MCC: variants seen among roughly 807,000 people sequenced by gnomAD.
MCC encodes the protein colorectal mutant cancer protein.
Under a neutral mutation model 116.2 loss-of-function variants are expected in MCC, and 90 were observed. That is an observed-to-expected ratio of 0.77 (90% CI 0.65 to 0.92). The LOEUF is 0.92. Among genes scored for constraint, MCC ranks in the 40% least tolerant of loss-of-function variants. The pLI is 0.00. For synonymous variants in MCC, 578 were observed against 510.5 expected, an observed-to-expected ratio of 1.13 and a Z score of -1.78; for missense variants, 1,516 against 1,312.2, an observed-to-expected ratio of 1.16 and a Z score of -2.40.
chr5:113,313,908 C>T (rs1413534244), intron 3 of MCC, among the ~76,000 whole-genome samples: 1 of 151,980 alleles, frequency 6.6e-6, no homozygotes, highest in Non-Finnish European at 1.5e-5. Context: ...GCAGCCTTGG[C>T]CTCCTGGGCT....
intron 11 of MCC, among the ~76,000 whole-genome samples, chr5:113,074,353 G>C (rs1203096285): frequency 6.6e-6 from 1 of 152,184 alleles, no homozygotes; most frequent in Non-Finnish European, 1.5e-5. Context: ...AAACAGAAAG[G>C]ACATCCACAC....
intron 1 of MCC, among the ~76,000 whole-genome samples, chr5:113,439,061 A>C (rs575314965): frequency 6.6e-6 from 1 of 152,298 alleles, no homozygotes; most frequent in Admixed American, 6.5e-5. Flanking sequence ...CCAGGAACAT[A>C]ACAATGCAGG....
At chr5:113,094,709 C>G (rs935174079) in intron 8 of MCC, among the ~76,000 whole-genome samples, 1 of 152,150 alleles carries the variant, frequency 6.6e-6, no homozygotes, top group East Asian at 1.9e-4. Context: ...CATGAGCCAC[C>G]GCTCCCGGCC....
At chr5:113,274,473 C>T (rs1459098523) in intron 3 of MCC, among the ~76,000 whole-genome samples, 1 of 152,170 alleles carries the variant, frequency 6.6e-6, no homozygotes, top group African/African-American at 2.4e-5. Context: ...GATTCTCCTG[C>T]CACAGCCTCC....
intron 17 of MCC, among the ~76,000 whole-genome samples, chr5:113,038,059 G>A (rs1356382288): frequency 6.6e-6 from 1 of 152,172 alleles, no homozygotes; most frequent in Non-Finnish European, 1.5e-5. Flanking sequence ...CTGAGGGTCA[G>A]TGCGATGGAA....
At chr5:113,289,328 C>T (rs1014449358) in intron 3 of MCC, among the ~76,000 whole-genome samples, 1 of 86,032 alleles carries the variant, frequency 1.2e-5, no homozygotes, top group African/African-American at 3.9e-5. Context: ...GGCTCCATCT[C>T]AAAAAAAAAA....
intron 3 of MCC, among the ~76,000 whole-genome samples, chr5:113,205,339 A>G (rs937618889): frequency 1.3e-5 from 2 of 152,202 alleles, no homozygotes; most frequent in African/African-American, 4.8e-5. Context: ...TAATGAGAAC[A>G]CTACCTGCCC....
intron 5 of MCC, among the ~76,000 whole-genome samples, chr5:113,133,642 A>G (rs1284523679): frequency 6.6e-6 from 1 of 152,238 alleles, no homozygotes; most frequent in Non-Finnish European, 1.5e-5. Context: ...ATATATACCC[A>G]GTAAGGGAAT....
chr5:113,383,280 T>C (rs1015320520), intron 2 of MCC, among the ~76,000 whole-genome samples: 5 of 152,238 alleles, frequency 3.3e-5, no homozygotes, highest in African/African-American at 7.2e-5. Flanking sequence ...TGTACACTTA[T>C]GTGTTTATAG....
intron 3 of MCC, among the ~76,000 whole-genome samples, chr5:113,254,553 A>G (rs900559070): frequency 6.6e-6 from 1 of 152,212 alleles, no homozygotes; most frequent in Non-Finnish European, 1.5e-5. Context: ...ACAAGGCTAT[A>G]TAAGAACATC....
chr5:113,321,877 G>T (rs961571010), intron 3 of MCC, among the ~76,000 whole-genome samples: 11 of 152,132 alleles, frequency 7.2e-5, no homozygotes, highest in African/African-American at 2.4e-4. Context: ...TGTTGCCCAG[G>T]CTGGAGTGCA....
chr5:113,324,991 C>T (rs919388785), intron 3 of MCC, among the ~76,000 whole-genome samples: 25 of 150,802 alleles, frequency 1.7e-4, no homozygotes, highest in Admixed American at 6.6e-4. Flanking sequence ...TGTCACCATG[C>T]CCAGCTAATT....
At chr5:113,425,720 A>T (rs1328677209) in intron 1 of MCC, among the ~76,000 whole-genome samples, 1 of 152,186 alleles carries the variant, frequency 6.6e-6, no homozygotes, top group East Asian at 1.9e-4. Context: ...GAATCAGCTA[A>T]AAGCGTCATC....
chr5:113,484,103 A>G (rs1316893877), intron 1 of MCC, among the ~76,000 whole-genome samples: 2 of 152,208 alleles, frequency 1.3e-5, no homozygotes, highest in South Asian at 2.1e-4. Flanking sequence ...TACTAGGCTT[A>G]GCACCCATAA....
chr5:113,294,485 A>G lies in MCC; in HGVS notation c.627+46034T>C, dbSNP rs1766643220. ...TCCACTGCTTGGTCCCTTCTGCCAC[A>G]TTTTAGTCTAGACAGCCATTTTCAC... On this transcript the variant is annotated intron_variant, in intron 3 of 18. Transcript: ENST00000408903. The G allele has an allele frequency of 3.2e-6, 5 of 1,586,842 alleles. No individual in the cohort carries two copies. The South Asian group carries it at 5.7e-5, about 18-fold the overall frequency.
At chr5:113,199,078 G>C (rs773197571) in intron 3 of MCC, among the ~76,000 whole-genome samples, 1 of 152,168 alleles carries the variant, frequency 6.6e-6, no homozygotes, top group African/African-American at 2.4e-5. Flanking sequence ...TGAGGCAGGA[G>C]AATTGCTTGA....
intron 6 of MCC, among the ~76,000 whole-genome samples, chr5:113,107,220 T>C (rs1263261499): frequency 6.8e-6 from 1 of 146,846 alleles, no homozygotes; most frequent in African/African-American, 2.6e-5. Flanking sequence ...TTTTTTTTTT[T>C]CTTTTTTTTT....
chr5:113,231,298 C>T (rs762761005), intron 3 of MCC, among the ~76,000 whole-genome samples: 18 of 152,136 alleles, frequency 1.2e-4, no homozygotes, highest in Non-Finnish European at 2.4e-4. Flanking sequence ...TGTCACACTT[C>T]CAACTCTTTA....
At chr5:113,204,981 G>C (rs1762848851) in intron 3 of MCC, among the ~76,000 whole-genome samples, 1 of 136,846 alleles carries the variant, frequency 7.3e-6, no homozygotes, top group Non-Finnish European at 1.6e-5. Context: ...CAGGGCTAAT[G>C]CAGGGAGTTT....
Sources: gnomAD v4.1 joint callset for allele counts (sites outside exome capture counted in the v4.1 genomes callset) on GRCh38, gnomAD v4.1.1 for gene constraint, MANE v1.5 for transcripts, NCBI Gene and HGNC (gene_info 2026-07-23, HGNC 2026-07-21) for gene names.